Variants in POLK observed in about 807,000 individuals in gnomAD.
POLK encodes the protein DNA polymerase kappa.
In POLK, 76 loss-of-function variants were observed where a neutral mutation model predicts 94.0. That is an observed-to-expected ratio of 0.81 (90% CI 0.67 to 0.98). POLK has a LOEUF of 0.98. Among genes scored for constraint, POLK ranks in the 50% least tolerant of loss-of-function variants. The pLI, the probability that POLK is intolerant of heterozygous loss-of-function variation, is 0.00. For missense variants in POLK, 954 were observed against 1,010.1 expected, an observed-to-expected ratio of 0.94 and a Z score of 0.75; for synonymous variants, 349 against 325.4, an observed-to-expected ratio of 1.07 and a Z score of -0.78.
chr5:75,522,080 G>T (rs1768614278), intron 1 of POLK, among the ~76,000 whole-genome samples: 1 of 152,240 alleles, frequency 6.6e-6, no homozygotes, highest in South Asian at 2.1e-4. Context: ...GTCTCTGAGT[G>T]TCCTCAGGGC....
At chr5:75,593,961 T>C (rs1344241968) in exon 12 of POLK, 2 of 1,608,556 alleles carry the variant, frequency 1.2e-6, no homozygotes, top group Admixed American at 1.7e-5. Context: ...TTGTTTCTAC[T>C]GCAGAAGAAA....
At chr5:75,608,681 T>G in the POLK span, 2 of 151,968 alleles carry the variant, frequency 1.3e-5, no homozygotes, top group Non-Finnish European at 2.9e-5. Context: ...TCTGAGGAAG[T>G]GACATTTAAC....
At chr5:75,540,202 G>A (rs1158227920) in intron 1 of POLK, among the ~76,000 whole-genome samples, 1 of 151,834 alleles carries the variant, frequency 6.6e-6, no homozygotes, top group Admixed American at 6.6e-5. Context: ...AGTGTGGAGC[G>A]TAGTGTGAAG....
intron 1 of POLK, among the ~76,000 whole-genome samples, chr5:75,544,263 T>C (rs1399479818): frequency 6.6e-6 from 1 of 152,194 alleles, no homozygotes; most frequent in Non-Finnish European, 1.5e-5. Flanking sequence ...GGCATGTGCC[T>C]TCAGTCTCAG....
At chr5:75,569,316 T>C (rs1396769131) in intron 3 of POLK, 24 bp from the exon 4 acceptor site, 1 of 1,541,506 alleles carries the variant, frequency 6.5e-7, no homozygotes. Flanking sequence ...TCTAAAAGTA[T>C]GTTAACTTTT....
At position 75,569,466 on chromosome 5, in the gene POLK, A is replaced by G. The variant is rs187669648; in HGVS notation, c.382A>G (p.Ile128Val). 1.4e-4 allele frequency: 222 copies of G among 1,613,328 alleles called. No homozygotes were observed. In the East Asian group the frequency reaches 2.4e-3, roughly 18 times the overall value. ...CAATCCAGAATTGAAGGATAAACCC[A>G]TTGCTGTAGGATCAATGAGTATGCT... The change falls in exon 4 of 15, where the codon ATT becomes GTT. Residue 128 changes from isoleucine (I) to valine (V), a missense_variant. Ile to Val is a conservative substitution (Grantham distance 29). Transcript: ENST00000241436.
In POLK at chr5:75,524,074, G is replaced by A. The variant is rs193175167; in HGVS notation, c.-14+12160G>A. On this transcript the variant is annotated intron_variant, in intron 1 of 14. Transcript: ENST00000241436. ...GAAACCGGGAGGCAGAGGTTGCAGT[G>A]AGCTGAGATTGCGCCACTGCACTCC... Among the ~76,000 whole-genome samples, 35 of 151,760 alleles carry A rather than the reference G, an allele frequency of 2.3e-4. No homozygotes were observed. The East Asian group carries it at 6.8e-3, about 29-fold the overall frequency.
At position 75,524,173 on chromosome 5, in the gene POLK, G is replaced by A. The variant is rs901606408; in HGVS notation, c.-14+12259G>A. 2.6e-5 allele frequency among the ~76,000 whole-genome samples: 4 copies of A among 152,040 alleles called. No individual in the cohort carries two copies. In the East Asian group the frequency reaches 7.7e-4, roughly 29 times the overall value. On this transcript the variant is annotated intron_variant, in intron 1 of 14. Coordinates refer to ENST00000241436, the Ensembl canonical transcript of POLK. ...AAAAAACTTTCAGATTGTAAAAAGGGCAGATAAGAGGAAGCAGGAGTAGGA... is the reference window on the plus strand; with the variant it reads ...AAAAAACTTTCAGATTGTAAAAAGGACAGATAAGAGGAAGCAGGAGTAGGA...
intron 1 of POLK, among the ~76,000 whole-genome samples, chr5:75,536,524 C>G (rs539637143): frequency 2.0e-5 from 3 of 152,026 alleles, no homozygotes; most frequent in Non-Finnish European, 4.4e-5. Flanking sequence ...GCTGTACCCC[C>G]GGCAAATTCA....
chr5:75,561,053 G>A (rs1770945586), intron 3 of POLK, among the ~76,000 whole-genome samples: 1 of 152,130 alleles, frequency 6.6e-6, no homozygotes, highest in South Asian at 2.1e-4. Context: ...TGGGTCAAAT[G>A]GTATTTCTGG....
chr5:75,587,965 G>A (rs989969237), intron 10 of POLK, among the ~76,000 whole-genome samples: 1 of 151,970 alleles, frequency 6.6e-6, no homozygotes, highest in African/African-American at 2.4e-5. Context: ...GTACAAGATT[G>A]TGTTCATATT....
intron 3 of POLK, among the ~76,000 whole-genome samples, chr5:75,566,661 A>AC (rs1477812707): frequency 6.6e-6 from 1 of 151,934 alleles, no homozygotes; most frequent in Admixed American, 6.6e-5. Context: ...GTGAGGTGAC[A>AC]CCCCACCCTG....
intron 3 of POLK, among the ~76,000 whole-genome samples, chr5:75,560,004 C>T (rs1228819832): frequency 2.0e-5 from 3 of 152,104 alleles, no homozygotes; most frequent in Non-Finnish European, 2.9e-5. Flanking sequence ...TATACCATTA[C>T]AGTTTGATTT....
In POLK at chr5:75,542,676, CATATATAT is replaced by C. The variant is rs1293924301; in HGVS notation, c.-13-4332_-13-4325del. Among the ~76,000 whole-genome samples the C allele has an allele frequency of 3.4e-5, 5 of 146,632 alleles. No individual in the cohort carries two copies. The Admixed American group carries it at 3.4e-4, about 10-fold the overall frequency. The stretch of plus-strand genomic sequence containing the variant: ...ACACATATATATATACACATATATA[CATATATAT>C]ACATATATGTATATATATGTATTTT... On this transcript the variant is annotated intron_variant, in intron 1 of 14. Coordinates refer to ENST00000241436, the Ensembl canonical transcript of POLK.
rs546160306 is a variant in POLK, at chr5:75,556,472, T to C, written c.255+3881T>C. Among the ~76,000 whole-genome samples, 6 of 152,332 alleles carry C rather than the reference T, an allele frequency of 3.9e-5. No homozygotes were observed. In the South Asian group the frequency reaches 1.2e-3, roughly 32 times the overall value. On this transcript the variant is annotated intron_variant, in intron 3 of 14. Coordinates refer to ENST00000241436, the Ensembl canonical transcript of POLK. ...TCCCAACCTGTGGCTTTTCTTTTTATTCTATTGACAGTATCTTTCACAGAG... is the reference window on the plus strand; with the variant it reads ...TCCCAACCTGTGGCTTTTCTTTTTACTCTATTGACAGTATCTTTCACAGAG...
upstream of POLK, chr5:75,511,642 C>G: frequency 6.6e-7 from 1 of 1,503,798 alleles, no homozygotes; most frequent in Non-Finnish European, 8.9e-7. Flanking sequence ...CCTCCCCTCC[C>G]CTGTCCTTTC....
At chr5:75,597,063 T>C (rs1561416775) in exon 13 of POLK, 1 of 1,613,346 alleles carries the variant, frequency 6.2e-7, no homozygotes, top group Non-Finnish European at 8.5e-7. Context: ...AGACTTCAGA[T>C]CTAACCCTGT....
intron 11 of POLK, among the ~76,000 whole-genome samples, chr5:75,592,463 C>T (rs1772839470): frequency 6.6e-6 from 1 of 152,150 alleles, no homozygotes; most frequent in South Asian, 2.1e-4. Context: ...CCTGTAATCC[C>T]AGCTCTTTGG....
At position 75,590,450 on chromosome 5, in the gene POLK, T is replaced by G. The variant is rs1772723176; in HGVS notation, c.1356+10T>G. The G allele has an allele frequency of 6.6e-7, 1 of 1,510,500 alleles. No homozygotes were observed. Among genetic ancestry groups the G allele is most frequent in the South Asian group, 1.1e-5 (1 of 88,724 alleles). The allele number at this position is 1,510,500 out of a possible 1,614,324, so 93.6% of individuals were successfully genotyped here. A position where few individuals can be genotyped will look rare whatever the true frequency, so the allele number is the denominator to read the frequency against. ...GAAAGAAAGACTTAAGGTGCTTTAT[T>G]TTGATATGGTGTCCTTAGTTTTTAA... On this transcript the variant is annotated intron_variant, in intron 11 of 14. Coordinates refer to ENST00000241436, the Ensembl canonical transcript of POLK.
Sources: gnomAD v4.1 joint callset for allele counts (sites outside exome capture counted in the v4.1 genomes callset) on GRCh38, gnomAD v4.1.1 for gene constraint, MANE v1.5 for transcripts, NCBI Gene and HGNC (gene_info 2026-07-23, HGNC 2026-07-21) for gene names.